The following SCG5 variants were observed in gnomAD, a reference collection of about 807,000 sequenced individuals.
The protein encoded by SCG5 is secretogranin V.
In SCG5, 18 loss-of-function variants were observed where a neutral mutation model predicts 25.7. That is an observed-to-expected ratio of 0.70 (90% CI 0.48 to 1.04). SCG5 has a LOEUF of 1.04. SCG5 is among the 50% of genes least tolerant of loss of function. SCG5 has a pLI of 0.00. For missense variants in SCG5, 206 were observed against 259.8 expected (o/e 0.79, Z 1.42); for synonymous variants, 101 against 91.7 (o/e 1.10, Z -0.58).
At chr15:32,654,070 G>T (rs918453767) in intron 2 of SCG5, among the ~76,000 whole-genome samples, 11 of 152,230 alleles carry the variant, frequency 7.2e-5, no homozygotes, top group African/African-American at 2.7e-4. Flanking sequence ...AGGCAGGCAA[G>T]GAGGGTGAGT....
At chr15:32,648,827 A>G (rs2053990500) in intron 2 of SCG5, among the ~76,000 whole-genome samples, 1 of 150,652 alleles carries the variant, frequency 6.6e-6, no homozygotes, top group African/African-American at 2.4e-5. Flanking sequence ...GCTGGAGTGC[A>G]ATGGTGCGAT....
chr15:32,652,239 G>A (rs1357881162), intron 2 of SCG5, among the ~76,000 whole-genome samples: 2 of 152,084 alleles, frequency 1.3e-5, no homozygotes, highest in Non-Finnish European at 2.9e-5. Flanking sequence ...TGGGGGCTTT[G>A]GGCAGAGCCG....
chr15:32,651,747 A>C (rs1199534173), intron 2 of SCG5, among the ~76,000 whole-genome samples: 1 of 152,164 alleles, frequency 6.6e-6, no homozygotes, highest in Non-Finnish European at 1.5e-5. Context: ...AATTGCATGG[A>C]TAGTAATGAG....
chr15:32,682,199 C>G (rs982544321), intron 3 of SCG5, among the ~76,000 whole-genome samples: 1 of 152,116 alleles, frequency 6.6e-6, no homozygotes, highest in Non-Finnish European at 1.5e-5. Flanking sequence ...CAGTCCCTAC[C>G]CTGATTCAAC....
At chr15:32,694,845 A>G (rs1189940168) in intron 5 of SCG5, among the ~76,000 whole-genome samples, 1 of 152,204 alleles carries the variant, frequency 6.6e-6, no homozygotes, top group African/African-American at 2.4e-5. Context: ...TGCTAAACTC[A>G]GGTTTCATTC....
At chr15:32,655,707 C>T (rs1027783567) in intron 2 of SCG5, among the ~76,000 whole-genome samples, 1 of 152,208 alleles carries the variant, frequency 6.6e-6, no homozygotes, top group Admixed American at 6.5e-5. Context: ...GATCCATGCC[C>T]TTATGAAAGA....
rs201973149 is a variant in SCG5 at position 32,685,783 on chromosome 15, C to T, written c.489+1114C>T. On this transcript the variant is annotated intron_variant, in intron 4 of 5. Coordinates refer to ENST00000300175, the MANE Select transcript of SCG5 (RefSeq NM_001144757.3). ...GGAAATACCTAGGAGTGTTCCTTCA[C>T]ATGTAACAGTAGGTGGCCAGTACGT... Among the ~76,000 whole-genome samples the T allele has an allele frequency of 2.2e-3, 336 of 152,316 alleles. 1 individual carries two copies. Among genetic ancestry groups the T allele is most frequent in the Non-Finnish European group, 4.0e-3 (271 of 68,038 alleles).
chr15:32,655,643 A>G (rs2054105535), intron 2 of SCG5, among the ~76,000 whole-genome samples: 1 of 152,150 alleles, frequency 6.6e-6, no homozygotes, highest in Non-Finnish European at 1.5e-5. Context: ...ATAGTAATAA[A>G]AGATAGGGTC....
intron 2 of SCG5, among the ~76,000 whole-genome samples, chr15:32,649,502 T>G (rs766351923): frequency 6.6e-6 from 1 of 152,202 alleles, no homozygotes; most frequent in Non-Finnish European, 1.5e-5. Context: ...CTAGAAGGAC[T>G]TTTTGCAGTC....
At chr15:32,656,186 G>A (rs1296493144) in intron 2 of SCG5, 1 of 152,198 alleles carries the variant, frequency 6.6e-6, no homozygotes. Context: ...AGGTTTCTAA[G>A]TTCCTCATGC....
Position 32,646,344 on chromosome 15 carries a change from G to A in SCG5, c.226+2526G>A, listed in dbSNP as rs138077010. On this transcript the variant is annotated intron_variant, in intron 2 of 5. Transcript: ENST00000300175. The stretch of plus-strand genomic sequence containing the variant: ...GCAGCTTGCGTCCTCTTCCAAGCTC[G>A]TTAAGGCTGTTGGCAGAATTCCATT... 6.2e-4 allele frequency among the ~76,000 whole-genome samples: 95 copies of A among 152,268 alleles called. No individual in the cohort carries two copies. The East Asian group carries it at 0.018, about 29-fold the overall frequency.
chr15:32,687,666 G>T (rs1345185870), intron 4 of SCG5, among the ~76,000 whole-genome samples: 1 of 152,170 alleles, frequency 6.6e-6, no homozygotes, highest in Non-Finnish European at 1.5e-5. Flanking sequence ...CAAAGACCCT[G>T]CTTCCTTATC....
intron 2 of SCG5, chr15:32,656,380 G>C (rs1463119373): frequency 1.3e-5 from 2 of 152,216 alleles, no homozygotes; most frequent in Non-Finnish European, 2.9e-5. Context: ...GGCACATGTA[G>C]GAAGTGGAAT....
intron 2 of SCG5, among the ~76,000 whole-genome samples, chr15:32,656,583 G>C (rs1380641590): frequency 6.6e-6 from 1 of 152,204 alleles, no homozygotes; most frequent in East Asian, 1.9e-4. Flanking sequence ...CCATCCAGCT[G>C]TCTTCTATCC....
intron 2 of SCG5, among the ~76,000 whole-genome samples, chr15:32,651,329 A>G (rs544925854): frequency 6.6e-6 from 1 of 152,336 alleles, no homozygotes; most frequent in South Asian, 2.1e-4. Flanking sequence ...AGTCCTGTGG[A>G]TGATAGGCTA....
At chr15:32,663,120 A>G (rs1352637216) in intron 2 of SCG5, among the ~76,000 whole-genome samples, 1 of 146,910 alleles carries the variant, frequency 6.8e-6, no homozygotes, top group Non-Finnish European at 1.5e-5. Context: ...ATACATATAT[A>G]CATATATAAC....
In SCG5 at chr15:32,671,699, G is replaced by GAA. The variant is rs36107704; in HGVS notation, c.227-8056_227-8055dup. 1.0e-4 allele frequency among the ~76,000 whole-genome samples: 15 copies of GAA among 143,748 alleles called. No individual in the cohort carries two copies. In the East Asian group the frequency reaches 2.0e-3, roughly 20 times the overall value. 94.3% of individuals were successfully genotyped at this position (143,748 alleles called of 152,430 possible). A position where few individuals can be genotyped will look rare whatever the true frequency, so the allele number is the denominator to read the frequency against. ...TGTGTATGTGTTTACCTCAAGTAGTGAAAAAAAAAAAAGAAAAAACAACTT... is the reference window on the plus strand; with the variant it reads ...TGTGTATGTGTTTACCTCAAGTAGTGAAAAAAAAAAAAAAGAAAAAACAACTT... On this transcript the variant is annotated intron_variant, in intron 2 of 5. Transcript: ENST00000300175.
intron 2 of SCG5, among the ~76,000 whole-genome samples, chr15:32,676,830 A>G (rs1273898845): frequency 6.6e-6 from 1 of 152,252 alleles, no homozygotes; most frequent in Non-Finnish European, 1.5e-5. Flanking sequence ...AATTAAAATG[A>G]AACATTTATA....
intron 5 of SCG5, among the ~76,000 whole-genome samples, chr15:32,694,003 G>A (rs930632558): frequency 3.2e-4 from 49 of 152,164 alleles, no homozygotes; most frequent in Middle Eastern, 3.4e-3. Context: ...TCAGGTACTC[G>A]GGAGGCTGAG....
Sources: allele counts gnomAD v4.1 joint callset (sites outside exome capture counted in the v4.1 genomes callset), GRCh38; gene constraint gnomAD v4.1.1; transcripts MANE v1.5; gene names NCBI Gene and HGNC (gene_info 2026-07-23, HGNC 2026-07-21).